The following FRMD3 variants were observed in gnomAD, a reference collection of about 807,000 sequenced individuals.
FRMD3 encodes the protein FERM domain containing 3.
Under a neutral mutation model 70.2 loss-of-function variants are expected in FRMD3, and 33 were observed. The ratio of observed to expected loss-of-function variants is 0.47; its 90% confidence interval spans 0.36 to 0.63. The LOEUF (loss-of-function observed/expected upper bound fraction) is 0.63, where lower values mean the gene tolerates loss of function less well. Among genes scored for constraint, FRMD3 ranks in the 20% least tolerant of loss-of-function variants. The pLI is 0.00. For missense variants in FRMD3, 632 were observed against 711.4 expected (o/e 0.89, Z 1.27); for synonymous variants, 279 against 255.9 (o/e 1.09, Z -0.86).
intron 3 of FRMD3, among the ~76,000 whole-genome samples, chr9:83,355,601 T>C (rs923994529): frequency 3.9e-5 from 6 of 152,244 alleles, no homozygotes; most frequent in African/African-American, 1.4e-4. Context: ...CCAGCCATCA[T>C]GTCTACCTTC....
intron 13 of FRMD3, among the ~76,000 whole-genome samples, chr9:83,269,409 A>C (rs1174390384): frequency 1.3e-5 from 2 of 152,114 alleles, no homozygotes; most frequent in Non-Finnish European, 2.9e-5. Flanking sequence ...TTAACATCTC[A>C]CCATTGTTTC....
intron 1 of FRMD3, among the ~76,000 whole-genome samples, chr9:83,420,912 C>T (rs1346836733): frequency 1.3e-5 from 2 of 151,398 alleles, no homozygotes; most frequent in African/African-American, 4.9e-5. Flanking sequence ...AGCCTACAGA[C>T]CATGAGCCAT....
chr9:83,440,201 T>C (rs1325445580), intron 1 of FRMD3, among the ~76,000 whole-genome samples: 1 of 152,246 alleles, frequency 6.6e-6, no homozygotes, highest in African/African-American at 2.4e-5. Context: ...GAAGAGCACT[T>C]CACCTATACT....
chr9:83,358,672 G>GTATA (rs1554692406), intron 3 of FRMD3, among the ~76,000 whole-genome samples: 1 of 142,966 alleles, frequency 7.0e-6, no homozygotes, highest in African/African-American at 2.6e-5. Context: ...ATATTCTTAA[G>GTATA]TATTTATTTA....
At chr9:83,519,639 C>G (rs953567653) in intron 1 of FRMD3, among the ~76,000 whole-genome samples, 1 of 152,178 alleles carries the variant, frequency 6.6e-6, no homozygotes, top group Admixed American at 6.5e-5. Flanking sequence ...AATCCCATTA[C>G]TGGGTATATA....
intron 1 of FRMD3, among the ~76,000 whole-genome samples, chr9:83,393,864 T>A (rs1386858754): frequency 1.3e-5 from 2 of 152,042 alleles, no homozygotes; most frequent in Non-Finnish European, 2.9e-5. Flanking sequence ...TTGGATCCCC[T>A]ACTCCAAAAA....
At chr9:83,510,977 G>A (rs10118216) in intron 1 of FRMD3, among the ~76,000 whole-genome samples, 28 of 152,282 alleles carry the variant, frequency 1.8e-4, no homozygotes, top group South Asian at 8.3e-4. Context: ...ACTAACCACC[G>A]TGGAATTATA....
rs542321925 is a variant in FRMD3 at position 83,453,701 on chromosome 9, GTTTGT to G, written c.148-63998_148-63994del. ...TCAAATTAATTTCCACCTGTTTCCT[GTTTGT>G]TTTAATTTTTTTTTTTTTTTTTTTT... On this transcript the variant is annotated intron_variant, in intron 1 of 13. Coordinates refer to ENST00000304195, the MANE Select transcript of FRMD3 (RefSeq NM_174938.6). Among the ~76,000 whole-genome samples the G allele has an allele frequency of 4.3e-3, 616 of 141,834 alleles. 9 individuals are homozygous for G. The highest frequency in any genetic ancestry group is 0.015 in the African/African-American group (555 of 38,130). 93.0% of individuals were successfully genotyped at this position (141,834 alleles called of 152,430 possible). A position where few individuals can be genotyped will look rare whatever the true frequency, so the allele number is the denominator to read the frequency against.
rs545479391 is a variant in FRMD3 at position 83,482,612 on chromosome 9, T to C, written c.147+55473A>G. On this transcript the variant is annotated intron_variant, in intron 1 of 13. Coordinates refer to ENST00000304195, the MANE Select transcript of FRMD3 (RefSeq NM_174938.6). ...AAAATTATTACAAGACGATGATTGG[T>C]ATACACAATAAAGATGGTAGGACAT... Among the ~76,000 whole-genome samples the C allele has an allele frequency of 5.3e-5, 8 of 152,294 alleles. No homozygotes were observed. The East Asian group carries it at 7.7e-4, about 15-fold the overall frequency.
Position 83,538,282 on chromosome 9 carries a change from C to CGCCTG in FRMD3, c.-56_-52dup. ...GGAGGCTCAGGGCCGGCGCGGTGCT[C>CGCCTG]GCCTGCGCGGACACACACGCTCGCA... On this transcript the variant is annotated 5_prime_UTR_variant, in exon 1 of 14. Coordinates refer to ENST00000304195, the MANE Select transcript of FRMD3 (RefSeq NM_174938.6). The surrounding 1 kb of genome is among the most constrained non-coding windows in gnomAD (Gnocchi z 4.7). 1 of 1,521,378 alleles carries CGCCTG rather than the reference C, an allele frequency of 6.6e-7. No individual in the cohort carries two copies. The highest frequency in any genetic ancestry group is 8.8e-7 in the Non-Finnish European group (1 of 1,133,132). 94.2% of individuals were successfully genotyped at this position (1,521,378 alleles called of 1,614,324 possible). A position where few individuals can be genotyped will look rare whatever the true frequency, so the allele number is the denominator to read the frequency against.
intron 10 of FRMD3, among the ~76,000 whole-genome samples, chr9:83,307,175 T>C (rs923528052): frequency 6.6e-6 from 1 of 152,202 alleles, no homozygotes; most frequent in Non-Finnish European, 1.5e-5. Flanking sequence ...ACTGAACATC[T>C]GTAAGTTATC....
rs187072848 is a variant in FRMD3 at position 83,402,468 on chromosome 9, G to A, written c.148-12760C>T. Among the ~76,000 whole-genome samples the A allele has an allele frequency of 1.6e-4, 25 of 151,906 alleles. No homozygotes were observed. In the East Asian group the frequency reaches 4.8e-3, roughly 29 times the overall value. ...CCCACTAGGATGATGGGGCCAAGCA[G>A]CCTAACCAAGAGTGGATGGATGAAT... On this transcript the variant is annotated intron_variant, in intron 1 of 13. Transcript: ENST00000304195.
intron 3 of FRMD3, among the ~76,000 whole-genome samples, chr9:83,356,606 G>T (rs1456055459): frequency 1.3e-5 from 2 of 151,076 alleles, no homozygotes; most frequent in African/African-American, 4.9e-5. Flanking sequence ...AAAACCAAAC[G>T]TTTTCCTCCA....
At chr9:83,372,386 A>G (rs893108422) in intron 3 of FRMD3, among the ~76,000 whole-genome samples, 2 of 114,498 alleles carry the variant, frequency 1.7e-5, no homozygotes, top group Admixed American at 1.8e-4. Context: ...AAAAAAAAAA[A>G]GAAGTTCAGA....
the FRMD3 span, among the ~76,000 whole-genome samples, chr9:83,557,231 G>A: frequency 6.6e-6 from 1 of 152,144 alleles, no homozygotes; most frequent in Non-Finnish European, 1.5e-5. Flanking sequence ...GTTATCAAAT[G>A]AAGCAATGGC....
chr9:83,283,530 CA>C (rs765093024), intron 13 of FRMD3, among the ~76,000 whole-genome samples: 30 of 132,248 alleles, frequency 2.3e-4, no homozygotes, highest in African/African-American at 5.7e-4. Context: ...GAATCCATCT[CA>C]AAAAAAAAAA....
intron 1 of FRMD3, among the ~76,000 whole-genome samples, chr9:83,448,933 G>T (rs1293090949): frequency 1.3e-5 from 2 of 152,190 alleles, no homozygotes; most frequent in Non-Finnish European, 2.9e-5. Context: ...TTCAGCCTGT[G>T]GCCTTGCTCA....
intron 1 of FRMD3, among the ~76,000 whole-genome samples, chr9:83,422,805 T>C (rs1457162554): frequency 6.6e-6 from 1 of 152,224 alleles, no homozygotes; most frequent in African/African-American, 2.4e-5. Flanking sequence ...TTTGGAACAA[T>C]GTTTAGAGAT....
At chr9:83,567,413 C>T in the FRMD3 span, among the ~76,000 whole-genome samples, 1 of 152,112 alleles carries the variant, frequency 6.6e-6, no homozygotes, top group Non-Finnish European at 1.5e-5. Context: ...AAGACATTTT[C>T]CCCATGGTCT....
Sources: gnomAD v4.1 joint callset for allele counts (sites outside exome capture counted in the v4.1 genomes callset) on GRCh38, gnomAD v4.1.1 for gene constraint, Gnocchi (gnomAD v3.1) non-coding constraint, MANE v1.5 for transcripts, NCBI Gene and HGNC (gene_info 2026-07-23, HGNC 2026-07-21) for gene names.